CPLANE1: variants seen among roughly 807,000 people sequenced by gnomAD.
The protein encoded by CPLANE1 is ciliogenesis and planar polarity effector complex subunit 1, also known as ciliogenesis and planar polarity effector 1.
CPLANE1 carries 263 observed loss-of-function variants against 362.5 expected under a neutral mutation model. That is an observed-to-expected ratio of 0.73 (90% CI 0.66 to 0.80). The LOEUF is 0.80. Ranked by LOEUF, CPLANE1 falls within the 30% of genes least tolerant of loss-of-function variation. The pLI is 0.00. For missense variants in CPLANE1, 3,461 were observed against 3,793.4 expected, an observed-to-expected ratio of 0.91 and a Z score of 2.30; for synonymous variants, 1,212 against 1,302.6, an observed-to-expected ratio of 0.93 and a Z score of 1.50.
intron 12 of CPLANE1, among the ~76,000 whole-genome samples, chr5:37,225,745 G>A (rs1267831694): frequency 2.6e-5 from 4 of 151,386 alleles, no homozygotes; most frequent in East Asian, 3.9e-4. Context: ...CCAGCTACTC[G>A]GGGGGCTGAG....
intron 29 of CPLANE1, among the ~76,000 whole-genome samples, chr5:37,178,139 C>CA (rs1426524200): frequency 6.6e-6 from 1 of 151,850 alleles, no homozygotes; most frequent in Non-Finnish European, 1.5e-5. Context: ...TAAAAAAATA[C>CA]AAAAAATTAG....
chr5:37,232,795 A>G (rs1305397938), intron 8 of CPLANE1, among the ~76,000 whole-genome samples: 1 of 146,594 alleles, frequency 6.8e-6, no homozygotes, highest in South Asian at 2.2e-4. Context: ...AGCTATGATC[A>G]CGCCATTGCA....
At chr5:37,082,605 A>G in the CPLANE1 span, among the ~76,000 whole-genome samples, 3 of 152,304 alleles carry the variant, frequency 2.0e-5, no homozygotes, top group South Asian at 4.1e-4. Flanking sequence ...AAAAAATGAA[A>G]ACTTCCCAAG....
At chr5:37,159,352 T>C (rs1190519898) in intron 38 of CPLANE1, among the ~76,000 whole-genome samples, 65 of 141,788 alleles carry the variant, frequency 4.6e-4, no homozygotes, top group East Asian at 3.3e-3. Flanking sequence ...ACCTCATGAT[T>C]CACCCGCCTC....
chr5:37,247,501 C>A, intron 2 of CPLANE1, 117 bp downstream of exon 2: 1 of 838,686 alleles, frequency 1.2e-6, no homozygotes, highest in Non-Finnish European at 1.8e-6. Flanking sequence ...TCCTGTAGAT[C>A]CTCCTCCAGT....
At chr5:37,186,613 T>C (rs1204520044) in intron 23 of CPLANE1, among the ~76,000 whole-genome samples, 1 of 152,228 alleles carries the variant, frequency 6.6e-6, no homozygotes, top group African/African-American at 2.4e-5. Context: ...AAACTGTGTA[T>C]ATTCAAGGTG....
Position 37,165,636 on chromosome 5 carries a change from T to C in CPLANE1, c.7436A>G (p.Lys2479Arg). The C allele has an allele frequency of 6.2e-7, 1 of 1,611,618 alleles. No homozygotes were observed. The highest frequency in any genetic ancestry group is 8.5e-7 in the Non-Finnish European group (1 of 1,179,568). The change falls in exon 36 of 53, where the codon AAA becomes AGA. Residue 2479 changes from lysine to arginine, a missense_variant. Lys to Arg is a conservative substitution (Grantham distance 26, BLOSUM62 2). Transcript: ENST00000651892. ...TTTTCTCCTCAGTTTCTCACATCTT[T>C]TTTCTTGCAGCTCTTTCTCAGCTCT... is the stretch of plus-strand genomic sequence containing the variant. ...RRRAEKELQEKRCEKLRRKPN... is the reference protein window; with the variant it reads ...RRRAEKELQERRCEKLRRKPN...
At chr5:37,202,971 T>G (rs1005917307) in intron 18 of CPLANE1, among the ~76,000 whole-genome samples, 29 of 151,424 alleles carry the variant, frequency 1.9e-4, no homozygotes, top group Admixed American at 1.8e-3. Context: ...ATAGCTCAGA[T>G]GAATAGCTCA....
chr5:37,130,952 AAC>A (rs1159570286), intron 46 of CPLANE1, among the ~76,000 whole-genome samples: 8 of 152,222 alleles, frequency 5.3e-5, no homozygotes, highest in African/African-American at 1.7e-4. Context: ...TGTTCACTGA[AAC>A]AGTTATATAT....
Position 37,164,884 on chromosome 5 carries a change from C to T in CPLANE1, c.7534-557G>A, listed in dbSNP as rs146680927. On this transcript the variant is annotated intron_variant, in intron 36 of 52. Coordinates refer to ENST00000651892, the MANE Select transcript of CPLANE1 (RefSeq NM_001384732.1). ...TTTTAGGAGGCTGAGGTGGAAGGATCACTTGAGGTCAGGAGTTGGAGACCA... is the reference window on the plus strand; with the variant it reads ...TTTTAGGAGGCTGAGGTGGAAGGATTACTTGAGGTCAGGAGTTGGAGACCA... 1.4e-4 allele frequency among the ~76,000 whole-genome samples: 22 copies of T among 152,266 alleles called. No individual in the cohort carries two copies. In the East Asian group the frequency reaches 4.2e-3, roughly 29 times the overall value.
At chr5:37,213,015 CCTGA>C (rs1561623807) in intron 16 of CPLANE1, among the ~76,000 whole-genome samples, 2 of 152,152 alleles carry the variant, frequency 1.3e-5, no homozygotes. Context: ...TCGAGACCAG[CCTGA>C]CTAACGTGGT....
chr5:37,101,394 A>G (rs1757280293), downstream of CPLANE1, among the ~76,000 whole-genome samples: 1 of 152,140 alleles, frequency 6.6e-6, no homozygotes, highest in Non-Finnish European at 1.5e-5. Context: ...TTATGTGATG[A>G]ATTACATTTA....
chr5:37,220,226 C>T (rs949185911), intron 15 of CPLANE1, among the ~76,000 whole-genome samples: 16 of 150,370 alleles, frequency 1.1e-4, no homozygotes, highest in Non-Finnish European at 2.2e-4. Flanking sequence ...ACTCCAGCCT[C>T]GGCAACAGAA....
chr5:37,244,145 C>T (rs780568330), intron 5 of CPLANE1, among the ~76,000 whole-genome samples: 22 of 152,080 alleles, frequency 1.4e-4, no homozygotes, highest in South Asian at 6.2e-4. Flanking sequence ...CCACCGCGCC[C>T]GGCATAACAA....
intron 47 of CPLANE1, among the ~76,000 whole-genome samples, chr5:37,123,923 G>C (rs1763397306): frequency 8.4e-6 from 1 of 119,008 alleles, no homozygotes; most frequent in African/African-American, 3.7e-5. Flanking sequence ...ATTAGGCTAG[G>C]GGAACATACA....
chr5:37,154,997 A>T (rs1012961135), intron 41 of CPLANE1, among the ~76,000 whole-genome samples: 1 of 152,192 alleles, frequency 6.6e-6, no homozygotes, highest in Non-Finnish European at 1.5e-5. Context: ...TTTCCTTCAG[A>T]TCCAAAGTGA....
intron 8 of CPLANE1, among the ~76,000 whole-genome samples, chr5:37,238,160 T>C (rs7715883): frequency 0.51 from 77,127 of 151,952 alleles, 22,500 homozygotes; most frequent in African/African-American, 0.82. Context: ...GCTTGGGCAA[T>C]AAGTAAGACC....
chr5:37,212,307 G>C (rs1430624515), intron 16 of CPLANE1: 1 of 948,402 alleles, frequency 1.1e-6, no homozygotes, highest in Non-Finnish European at 1.7e-6. Context: ...CTCCCTAGTG[G>C]ACACACTGCA....
intron 8 of CPLANE1, among the ~76,000 whole-genome samples, chr5:37,231,667 C>T (rs1182381856): frequency 1.3e-5 from 2 of 152,170 alleles, no homozygotes; most frequent in East Asian, 3.8e-4. Flanking sequence ...TTCAAGGCCA[C>T]ATCTGTCCTC....
Sources: allele counts gnomAD v4.1 joint callset (sites outside exome capture counted in the v4.1 genomes callset), GRCh38; gene constraint gnomAD v4.1.1; transcripts MANE v1.5; gene names NCBI Gene and HGNC (gene_info 2026-07-23, HGNC 2026-07-21).